The following PDE7B variants were observed in gnomAD, a reference collection of about 807,000 sequenced individuals.
PDE7B encodes 3',5'-cyclic-AMP phosphodiesterase 7B.
In PDE7B, 29 loss-of-function variants were observed where a neutral mutation model predicts 56.2. The observed-to-expected ratio is 0.52, with a 90% confidence interval of 0.38 to 0.70. The LOEUF (loss-of-function observed/expected upper bound fraction) is 0.70. Ranked by LOEUF, PDE7B falls within the 30% of genes least tolerant of loss-of-function variation. PDE7B has a pLI of 0.00. For missense variants in PDE7B, 490 were observed against 565.0 expected, an observed-to-expected ratio of 0.87 and a Z score of 1.35; for synonymous variants, 197 against 196.9, an observed-to-expected ratio of 1.00 and a Z score of 0.00.
At chr6:136,073,573 C>G (rs1313205349) in intron 2 of PDE7B, among the ~76,000 whole-genome samples, 1 of 152,138 alleles carries the variant, frequency 6.6e-6, no homozygotes, top group East Asian at 1.9e-4. Flanking sequence ...CTAATTTTCT[C>G]TTCATACAAG....
chr6:135,896,446 C>T (rs1378549984), intron 1 of PDE7B, among the ~76,000 whole-genome samples: 1 of 152,124 alleles, frequency 6.6e-6, no homozygotes, highest in East Asian at 1.9e-4. Context: ...CACTAACACC[C>T]ACGGCCTTGA....
At chr6:135,912,088 C>T (rs9483892) in intron 1 of PDE7B, among the ~76,000 whole-genome samples, 39,184 of 151,904 alleles carry the variant, frequency 0.26, 6,299 homozygotes, top group African/African-American at 0.45. Context: ...CCAACATAGC[C>T]CTCACTTTCC....
chr6:136,044,419 A>G (rs916440459), intron 2 of PDE7B: 32 of 152,354 alleles, frequency 2.1e-4, no homozygotes, highest in African/African-American at 7.5e-4. Flanking sequence ...CATCAGATGC[A>G]TGAATGAACA....
At chr6:135,878,959 T>C (rs1359128309) in intron 1 of PDE7B, among the ~76,000 whole-genome samples, 2 of 152,210 alleles carry the variant, frequency 1.3e-5, no homozygotes, top group Non-Finnish European at 2.9e-5. Context: ...CCCTTTGTCA[T>C]ATATCTTGAG....
intron 8 of PDE7B, among the ~76,000 whole-genome samples, chr6:136,173,294 CCAAAA>C: frequency 6.6e-6 from 1 of 152,162 alleles, no homozygotes. Flanking sequence ...GGTACTGGTA[CCAAAA>C]CAGAGATATA....
At chr6:136,182,395 A>G (rs1411283209) in intron 11 of PDE7B, among the ~76,000 whole-genome samples, 1 of 152,212 alleles carries the variant, frequency 6.6e-6, no homozygotes, top group Non-Finnish European at 1.5e-5. Flanking sequence ...ACAAAAGGAA[A>G]CATGATGAAA....
intron 2 of PDE7B, chr6:136,097,867 C>G (rs1777495135): frequency 1.3e-5 from 2 of 152,208 alleles, no homozygotes; most frequent in Admixed American, 1.3e-4. Flanking sequence ...CACAAGTCCT[C>G]TGAATATGCC....
intron 3 of PDE7B, among the ~76,000 whole-genome samples, chr6:136,117,640 A>G (rs1034925077): frequency 1.3e-5 from 2 of 152,200 alleles, no homozygotes; most frequent in African/African-American, 4.8e-5. Context: ...AAGGTGGCCA[A>G]TGCCACTATA....
chr6:136,004,494 C>A (rs1189978225), intron 2 of PDE7B, among the ~76,000 whole-genome samples: 3 of 152,126 alleles, frequency 2.0e-5, no homozygotes, highest in Admixed American at 1.3e-4. Context: ...TGATAAGCAA[C>A]TTCAGCAAAG....
chr6:135,870,266 A>G (rs1359891332), intron 1 of PDE7B, among the ~76,000 whole-genome samples: 2 of 152,186 alleles, frequency 1.3e-5, no homozygotes, highest in Non-Finnish European at 2.9e-5. Context: ...GCAATACACA[A>G]TGCTGTGATT....
chr6:135,908,954 CCTTT>C (rs1260862315), intron 1 of PDE7B, among the ~76,000 whole-genome samples: 11 of 152,106 alleles, frequency 7.2e-5, no homozygotes, highest in Non-Finnish European at 1.2e-4. Flanking sequence ...GAAATATTTG[CCTTT>C]TTCAATTATT....
At position 135,905,497 on chromosome 6, in the gene PDE7B, A is replaced by G. The variant is rs193103738; in HGVS notation, c.22-41967A>G. ...TGTGGCTAAATGCTTAAAACATCCA[A>G]TACGGTCTCCTTTCACTATAATCAT... On this transcript the variant is annotated intron_variant, in intron 1 of 12. Transcript: ENST00000308191. 2.1e-3 allele frequency among the ~76,000 whole-genome samples: 323 copies of G among 152,258 alleles called. 2 individuals are homozygous for G. Among genetic ancestry groups the G allele is most frequent in the Non-Finnish European group, 3.6e-3 (245 of 68,024 alleles).
chr6:136,160,070 GT>G (rs1343078617), intron 8 of PDE7B, among the ~76,000 whole-genome samples: 1 of 152,008 alleles, frequency 6.6e-6, no homozygotes, highest in Non-Finnish European at 1.5e-5. Context: ...GAAGGGTTTT[GT>G]TTTTTTCAAA....
intron 3 of PDE7B, among the ~76,000 whole-genome samples, chr6:136,124,794 C>T (rs1327862845): frequency 3.3e-5 from 5 of 151,998 alleles, no homozygotes; most frequent in African/African-American, 1.2e-4. Flanking sequence ...CTATGGATGG[C>T]GTATTTTATT....
intron 9 of PDE7B, 122 bp from the exon 10 acceptor site, chr6:136,178,875 G>A (rs1321909745): frequency 5.8e-6 from 6 of 1,042,980 alleles, no homozygotes; most frequent in South Asian, 1.5e-5. Flanking sequence ...GGCACATTGT[G>A]TAATAAACAG....
intron 2 of PDE7B, chr6:136,095,603 G>A (rs1444122697): frequency 6.6e-6 from 1 of 152,166 alleles, no homozygotes; most frequent in Non-Finnish European, 1.5e-5. Flanking sequence ...AAAATACTAT[G>A]TATTAATAAT....
chr6:136,147,570 C>A, intron 4 of PDE7B, 68 bp downstream of exon 4: 2 of 1,370,712 alleles, frequency 1.5e-6, no homozygotes, highest in Non-Finnish European at 2.1e-6. Context: ...GCTGATAGCA[C>A]TGGTGTTGGA....
intron 1 of PDE7B, among the ~76,000 whole-genome samples, chr6:135,858,996 T>C (rs949763330): frequency 2.0e-5 from 3 of 152,032 alleles, no homozygotes; most frequent in African/African-American, 7.2e-5. Flanking sequence ...TGTGCAGTTA[T>C]GCAAGCAAGT....
At chr6:135,914,142 A>G (rs1396098454) in intron 1 of PDE7B, among the ~76,000 whole-genome samples, 1 of 152,110 alleles carries the variant, frequency 6.6e-6, no homozygotes, top group East Asian at 1.9e-4. Flanking sequence ...TGTATTCTAA[A>G]CAGTGTTGAT....
Sources: allele counts gnomAD v4.1 joint callset (sites outside exome capture counted in the v4.1 genomes callset), GRCh38; gene constraint gnomAD v4.1.1; transcripts MANE v1.5; gene names NCBI Gene and HGNC (gene_info 2026-07-23, HGNC 2026-07-21).